GRB2: variants seen among roughly 807,000 people sequenced by gnomAD.
GRB2 encodes growth factor receptor-bound protein 2.
In GRB2, 2 loss-of-function variants were observed where a neutral mutation model predicts 27.4. That is an observed-to-expected ratio of 0.07 (90% CI 0.03 to 0.23). The LOEUF is 0.23. GRB2 is among the 10% of genes least tolerant of loss of function. The pLI is 1.00. For synonymous variants in GRB2, 94 were observed against 99.6 expected, an observed-to-expected ratio of 0.94 and a Z score of 0.33; for missense variants, 102 against 282.4, an observed-to-expected ratio of 0.36 and a Z score of 4.58.
chr17:75,384,078 C>G (rs933986436), intron 2 of GRB2, among the ~76,000 whole-genome samples: 1 of 152,132 alleles, frequency 6.6e-6, no homozygotes, highest in Non-Finnish European at 1.5e-5. Context: ...TACAATACTT[C>G]AGATGTCTCT....
In GRB2 at chr17:75,321,871, C is replaced by T. The variant is rs536343287; in HGVS notation, c.300-44G>A. The T allele has an allele frequency of 3.8e-5, 60 of 1,595,844 alleles. 1 individual carries two copies. In the South Asian group the frequency reaches 6.1e-4, roughly 16 times the overall value. On this transcript the variant is annotated intron_variant, in intron 4 of 5. Transcript: ENST00000316804. ...ACATGTGACCGGCTAAAGGCTCTAA[C>T]TTGGCAAATCGAGGGTATTTCCATA...
chr17:75,353,804 C>T (rs1347229645), intron 2 of GRB2, among the ~76,000 whole-genome samples: 1 of 151,372 alleles, frequency 6.6e-6, no homozygotes, highest in Admixed American at 6.6e-5. Context: ...TTTGGGAGGC[C>T]GAGGCAGGCG....
At chr17:75,361,504 C>G (rs898540935) in intron 2 of GRB2, among the ~76,000 whole-genome samples, 3 of 152,136 alleles carry the variant, frequency 2.0e-5, no homozygotes, top group African/African-American at 7.2e-5. Flanking sequence ...CAACTAACTG[C>G]GTAATTTATC....
intron 2 of GRB2, among the ~76,000 whole-genome samples, chr17:75,375,008 G>A (rs2078882980): frequency 6.6e-6 from 1 of 152,016 alleles, no homozygotes; most frequent in South Asian, 2.1e-4. Context: ...TCATCCTCCT[G>A]CCTGAGCCTC....
chr17:75,390,698 G>T (rs914289660), intron 2 of GRB2, among the ~76,000 whole-genome samples: 1 of 152,098 alleles, frequency 6.6e-6, no homozygotes, highest in Non-Finnish European at 1.5e-5. Context: ...GTAGGGAAGG[G>T]GTCTGCTGGA....
At chr17:75,383,760 T>C (rs971573843) in intron 2 of GRB2, among the ~76,000 whole-genome samples, 14 of 152,150 alleles carry the variant, frequency 9.2e-5, no homozygotes, top group Admixed American at 3.3e-4. Flanking sequence ...AAGATTCGCT[T>C]GAACCCAGGA....
chr17:75,360,068 G>A (rs945189669), intron 2 of GRB2, among the ~76,000 whole-genome samples: 10 of 151,660 alleles, frequency 6.6e-5, no homozygotes, highest in South Asian at 2.1e-4. Context: ...GATTGCTTGA[G>A]GCCAGGGGTT....
chr17:75,320,960 G>A lies in GRB2; in HGVS notation c.469-407C>T, dbSNP rs2078454613. Among the ~76,000 whole-genome samples, 1 of 152,048 alleles carries A rather than the reference G, an allele frequency of 6.6e-6. No homozygotes were observed. Among genetic ancestry groups the A allele is most frequent in the Non-Finnish European group, 1.5e-5 (1 of 68,028 alleles). ...AAGTTCTGGAGCTCGAATAACATAA[G>A]GGGCTCTAACCGTAACTTACGACCA... On this transcript the variant is annotated intron_variant, in intron 5 of 5. Coordinates refer to ENST00000316804, the MANE Select transcript of GRB2 (RefSeq NM_002086.5). This position sits in a 1 kb window ranked among gnomAD's most constrained non-coding sequence, Gnocchi z 4.3.
At chr17:75,322,548 G>A (rs2078467671) in intron 4 of GRB2, among the ~76,000 whole-genome samples, 1 of 152,072 alleles carries the variant, frequency 6.6e-6, no homozygotes, top group Admixed American at 6.5e-5. Flanking sequence ...TCGTAACTGG[G>A]AATAGTTCAA....
intron 2 of GRB2, among the ~76,000 whole-genome samples, chr17:75,342,422 C>T (rs73996031): frequency 0.039 from 5,975 of 152,136 alleles, 372 homozygotes; most frequent in African/African-American, 0.13. Context: ...ACAATTTATA[C>T]ATTCTCTCTC....
intron 2 of GRB2, among the ~76,000 whole-genome samples, chr17:75,376,451 G>A (rs1174602051): frequency 6.6e-6 from 1 of 151,114 alleles, no homozygotes; most frequent in Non-Finnish European, 1.5e-5. Context: ...AATGCGGGAG[G>A]TGGAGGCTGC....
In GRB2 at chr17:75,320,545, T is replaced by C. The variant is rs2078451499; in HGVS notation, c.477A>G (p.Thr159=). Residue 159 remains threonine, a synonymous_variant, in exon 6 of 6, where the codon ACA becomes ACG. Transcript: ENST00000316804. This position sits in a 1 kb window ranked among gnomAD's most constrained non-coding sequence, Gnocchi z 4.3. The part of the protein sequence containing the change: ...RDIEQVPQQP[T]YVQALFDFDP... ...CAAAGTCAAAGAGGGCCTGGACGTA[T>C]GTCGGCTGCTGCAAAACAGGAGCAG... The C allele has an allele frequency of 5.6e-6, 9 of 1,611,504 alleles. No individual in the cohort carries two copies. The highest frequency in any genetic ancestry group is 7.6e-6 in the Non-Finnish European group (9 of 1,177,770).
intron 2 of GRB2, among the ~76,000 whole-genome samples, chr17:75,359,978 TA>T (rs143403187): frequency 0.034 from 4,830 of 142,718 alleles, 187 homozygotes; most frequent in African/African-American, 0.098. Flanking sequence ...CTTTCTGTCT[TA>T]AAAAAAAAAA....
At chr17:75,344,852 C>G (rs2078644530) in intron 2 of GRB2, among the ~76,000 whole-genome samples, 1 of 151,552 alleles carries the variant, frequency 6.6e-6, no homozygotes, top group Non-Finnish European at 1.5e-5. Flanking sequence ...ACACCCCCTC[C>G]CAACCCCCCC....
chr17:75,377,598 A>AC (rs949772703), intron 2 of GRB2, among the ~76,000 whole-genome samples: 4 of 12,092 alleles, frequency 3.3e-4, no homozygotes, highest in Non-Finnish European at 1.9e-3. Flanking sequence ...CCTGTCTCAG[A>AC]AAAAAAAAAA....
chr17:75,334,562 G>A (rs2078563685), intron 2 of GRB2, among the ~76,000 whole-genome samples: 1 of 152,156 alleles, frequency 6.6e-6, no homozygotes, highest in East Asian at 1.9e-4. Flanking sequence ...TTACAGGTGT[G>A]AGCCACCATG....
chr17:75,378,184 G>A (rs1236345889), intron 2 of GRB2, among the ~76,000 whole-genome samples: 1 of 152,150 alleles, frequency 6.6e-6, no homozygotes, highest in Non-Finnish European at 1.5e-5. Context: ...GCAGTCAGGA[G>A]TTCGAGACCA....
rs2078496781 is a variant in GRB2, at chr17:75,326,081, C to A, written c.177-61G>T. ...CCCCACAAAGAAACGGGATATCCAG[C>A]CTTCAAAATGTGAGTAACACAACAC... On this transcript the variant is annotated intron_variant, in intron 3 of 5. Coordinates refer to ENST00000316804, the MANE Select transcript of GRB2 (RefSeq NM_002086.5). 3 of 1,600,756 alleles carry A rather than the reference C, an allele frequency of 1.9e-6. No homozygotes were observed. The East Asian group carries it at 6.7e-5, about 36-fold the overall frequency.
chr17:75,385,670 G>A (rs144606115), intron 2 of GRB2, among the ~76,000 whole-genome samples: 2 of 152,290 alleles, frequency 1.3e-5, no homozygotes, highest in African/African-American at 4.8e-5. Flanking sequence ...CAGTAAAATG[G>A]GGATAACAGC....
Sources: allele counts gnomAD v4.1 joint callset (sites outside exome capture counted in the v4.1 genomes callset), GRCh38; gene constraint gnomAD v4.1.1; non-coding constraint Gnocchi (gnomAD v3.1); transcripts MANE v1.5; gene names NCBI Gene and HGNC (gene_info 2026-07-23, HGNC 2026-07-21).